The following PRPS2 variants were observed in gnomAD, a reference collection of about 807,000 sequenced individuals.
The protein encoded by PRPS2 is ribose-phosphate pyrophosphokinase 2.
For missense variants in PRPS2, 104 were observed against 271.5 expected (o/e 0.38, Z 4.34); for synonymous variants, 111 against 115.3 (o/e 0.96, Z 0.24).
intron 4 of PRPS2, among the ~76,000 whole-genome samples, chrX:12,811,019 G>A (rs1444960502): frequency 8.9e-6 from 1 of 111,871 alleles, no homozygotes; most frequent in African/African-American, 3.3e-5. Flanking sequence ...GATGTGGAGT[G>A]GAATGCACAC....
intron 2 of PRPS2, among the ~76,000 whole-genome samples, chrX:12,801,655 C>A (rs898243765): frequency 8.9e-6 from 1 of 112,838 alleles, no homozygotes; most frequent in African/African-American, 3.2e-5. Context: ...GTCACCCAGG[C>A]TGAAGTGCAG....
At chrX:12,819,384 C>T in intron 4 of PRPS2, 123 bp from the exon 5 acceptor site, 1 of 830,719 alleles carries the variant, frequency 1.2e-6, no homozygotes, top group Non-Finnish European at 1.7e-6. Flanking sequence ...CTGGGCTGAT[C>T]AAGAGAGGCC....
At chrX:12,795,442 T>C (rs1450540551) in intron 1 of PRPS2, among the ~76,000 whole-genome samples, 1 of 111,687 alleles carries the variant, frequency 9.0e-6, no homozygotes, top group Non-Finnish European at 1.9e-5. Flanking sequence ...TTTGTGCTGC[T>C]ATAACAGAAT....
chrX:12,815,476 C>T (rs1198731956), intron 4 of PRPS2, among the ~76,000 whole-genome samples: 1 of 111,801 alleles, frequency 8.9e-6, no homozygotes, highest in Non-Finnish European at 1.9e-5. Flanking sequence ...CCAAATCTGC[C>T]TAGTCGTTAC....
chrX:12,804,753 C>T (rs1170403722), intron 2 of PRPS2, among the ~76,000 whole-genome samples: 5 of 110,995 alleles, frequency 4.5e-5, no homozygotes, highest in Non-Finnish European at 9.4e-5. Context: ...AGCCATGTGG[C>T]GTTAGATTGT....
chrX:12,810,097 G>A lies in PRPS2; in HGVS notation c.481G>A (p.Glu161Lys), dbSNP rs748734013. ...GCAGTGGATTCGGGAAAACATTGCC[G>A]AGTGGAAGAACTGTATCATTGTTTC... ...VLQWIRENIA[E>K]WKNCIIVSPD... The change falls in exon 4 of 7, where the codon GAG becomes AAG. Residue 161 changes from glutamate to lysine, a missense_variant. Physicochemically the swap from Glu to Lys is moderately conservative, Grantham distance 56. Transcript: ENST00000380668. The A allele has an allele frequency of 9.3e-5, 113 of 1,210,811 alleles. No individual in the cohort carries two copies. Among genetic ancestry groups the A allele is most frequent in the Non-Finnish European group, 1.1e-4 (101 of 895,386 alleles).
chrX:12,822,690 T>C lies in PRPS2; in HGVS notation c.865-14T>C. 8.3e-7 allele frequency: 1 copy of C among 1,201,528 alleles called. No homozygotes were observed. The highest frequency in any genetic ancestry group is 1.7e-5 in the African/African-American group (1 of 57,739). ...TGCTTCCCTTCTCCCTTTGTTTTTC[T>C]CATTGGCATTTAGGTCATTGACATT... On this transcript the variant is annotated splice_polypyrimidine_tract_variant and intron_variant, in intron 6 of 6. Transcript: ENST00000380668.
intron 4 of PRPS2, among the ~76,000 whole-genome samples, chrX:12,814,795 A>G (rs777949421): frequency 8.9e-6 from 1 of 112,336 alleles, no homozygotes; most frequent in Non-Finnish European, 1.9e-5. Flanking sequence ...TTCTGATTAC[A>G]TAATCTTTGA....
At chrX:12,796,508 C>T (rs147973429) in intron 1 of PRPS2, among the ~76,000 whole-genome samples, 2,073 of 111,373 alleles carry the variant, frequency 0.019, 38 homozygotes, top group African/African-American at 0.065. Flanking sequence ...TGAGCCACCG[C>T]GCCCAGCCTT....
chrX:12,809,160 C>A, intron 2 of PRPS2, 74 bp from the exon 3 acceptor site: 1 of 940,181 alleles, frequency 1.1e-6, no homozygotes, highest in Non-Finnish European at 1.5e-6. Context: ...TTATCCTTCT[C>A]ATGTACGTCT....
At chrX:12,805,854 C>T (rs1364766856) in intron 2 of PRPS2, among the ~76,000 whole-genome samples, 2 of 112,046 alleles carry the variant, frequency 1.8e-5, no homozygotes, top group East Asian at 5.6e-4. Flanking sequence ...GGGCGGATCA[C>T]CTGAGGTCAG....
intron 2 of PRPS2, among the ~76,000 whole-genome samples, chrX:12,806,118 T>A (rs1602411942): frequency 9.0e-6 from 1 of 111,050 alleles, no homozygotes; most frequent in Non-Finnish European, 1.9e-5. Flanking sequence ...TGGGCAAGAC[T>A]GGGAATAATT....
intron 1 of PRPS2, among the ~76,000 whole-genome samples, chrX:12,796,042 CCTTTT>C (rs1305120911): frequency 9.0e-6 from 1 of 111,076 alleles, no homozygotes; most frequent in Non-Finnish European, 1.9e-5. Context: ...TTTTTATTTT[CCTTTT>C]CTTTAAAATT....
intron 4 of PRPS2, among the ~76,000 whole-genome samples, chrX:12,810,527 T>C (rs1011031569): frequency 1.8e-5 from 2 of 111,796 alleles, no homozygotes; most frequent in African/African-American, 6.5e-5. Flanking sequence ...ACAATTTTTT[T>C]TTAAAAGAAA....
intron 1 of PRPS2, among the ~76,000 whole-genome samples, chrX:12,796,603 T>A (rs1488838082): frequency 8.9e-6 from 1 of 112,014 alleles, no homozygotes; most frequent in Non-Finnish European, 1.9e-5. Context: ...TCCTTATTTG[T>A]AATTTTAAAA....
chrX:12,799,265 G>A lies in PRPS2; in HGVS notation c.181G>A (p.Gly61Arg), dbSNP rs944424269. 11 of 1,211,536 alleles carry A rather than the reference G, an allele frequency of 9.1e-6. No individual in the cohort carries two copies. Among genetic ancestry groups the A allele is most frequent in the Non-Finnish European group, 1.2e-5 (11 of 895,425 alleles). ...EDVYIIQSGC[G>R]EINDNLMELL... The stretch of plus-strand genomic sequence containing the variant: ...TGTCTACATCATCCAGAGCGGCTGC[G>A]GGGAAATTAACGACAACCTGATGGA... Residue 61 changes from glycine (G) to arginine (R), a missense_variant, in exon 2 of 7, where the codon GGG becomes AGG. By Grantham distance (125) the Gly-to-Arg change is moderately radical. Coordinates refer to ENST00000380668, the MANE Select transcript of PRPS2 (RefSeq NM_002765.5).
intron 4 of PRPS2, among the ~76,000 whole-genome samples, chrX:12,813,138 TTG>T (rs2042631975): frequency 8.9e-6 from 1 of 112,343 alleles, no homozygotes; most frequent in Non-Finnish European, 1.9e-5. Flanking sequence ...AGTGTCAGAA[TTG>T]TGTTATTTAA....
At chrX:12,803,368 G>C (rs932307663) in intron 2 of PRPS2, among the ~76,000 whole-genome samples, 2 of 112,620 alleles carry the variant, frequency 1.8e-5, no homozygotes, top group African/African-American at 6.5e-5. Context: ...GCTCACTGCA[G>C]CCTCAAACTT....
intron 2 of PRPS2, among the ~76,000 whole-genome samples, chrX:12,807,274 AGAAG>A (rs2042598393): frequency 8.9e-6 from 1 of 111,772 alleles, no homozygotes; most frequent in Admixed American, 9.5e-5. Context: ...AGCCTCCTTT[AGAAG>A]GACCTTAATC....
Sources: gnomAD v4.1 joint callset for allele counts (sites outside exome capture counted in the v4.1 genomes callset) on GRCh38, gnomAD v4.1.1 for gene constraint, MANE v1.5 for transcripts, NCBI Gene and HGNC (gene_info 2026-07-23, HGNC 2026-07-21) for gene names.